PGCKA1: variants seen among roughly 807,000 people sequenced by gnomAD.
PGCKA1 encodes PDCD10 and GCKIII kinases-associated protein 1.
At chr4:37,473,656 A>G in the PGCKA1 span, among the ~76,000 whole-genome samples, 1 of 152,208 alleles carries the variant, frequency 6.6e-6, no homozygotes, top group African/African-American at 2.4e-5. Context: ...TGTAGGGGAC[A>G]CCCAGAAAAT....
chr4:37,551,609 C>A, the PGCKA1 span, among the ~76,000 whole-genome samples: 1 of 152,188 alleles, frequency 6.6e-6, no homozygotes, highest in African/African-American at 2.4e-5. Context: ...TAATTACTGT[C>A]TACACATAGA....
At chr4:37,469,690 G>A in the PGCKA1 span, among the ~76,000 whole-genome samples, 7 of 152,234 alleles carry the variant, frequency 4.6e-5, no homozygotes, top group East Asian at 1.9e-4. Context: ...TTCTCATTTC[G>A]TTCAGCTATG....
the PGCKA1 span, among the ~76,000 whole-genome samples, chr4:37,468,981 G>A: frequency 1.7e-4 from 26 of 152,180 alleles, no homozygotes; most frequent in Non-Finnish European, 1.0e-4. Context: ...TCATAACAAC[G>A]TTTGGGTCAT....
the PGCKA1 span, among the ~76,000 whole-genome samples, chr4:37,515,115 A>G: frequency 6.6e-6 from 1 of 152,196 alleles, no homozygotes; most frequent in African/African-American, 2.4e-5. Context: ...TGATTAGGTC[A>G]TGAGAGTAAA....
the PGCKA1 span, among the ~76,000 whole-genome samples, chr4:37,577,181 TG>T: frequency 1.3e-5 from 2 of 152,258 alleles, no homozygotes; most frequent in Non-Finnish European, 2.9e-5. Flanking sequence ...TTTAAATATT[TG>T]GTAGAATTCA....
the PGCKA1 span, among the ~76,000 whole-genome samples, chr4:37,580,208 C>T: frequency 6.6e-6 from 1 of 151,652 alleles, no homozygotes; most frequent in African/African-American, 2.4e-5. Context: ...TGAGTTTCCT[C>T]AATACAGCTA....
the PGCKA1 span, among the ~76,000 whole-genome samples, chr4:37,518,874 G>A: frequency 6.0e-4 from 92 of 152,234 alleles, no homozygotes; most frequent in African/African-American, 2.0e-3. Flanking sequence ...TTTCCCCAAC[G>A]TTTTCCTGTA....
At chr4:37,542,168 G>A in the PGCKA1 span, among the ~76,000 whole-genome samples, 3 of 152,124 alleles carry the variant, frequency 2.0e-5, no homozygotes, top group African/African-American at 4.8e-5. Flanking sequence ...ACATTCAGGT[G>A]CATCTGTCAT....
At chr4:37,466,675 C>A in the PGCKA1 span, among the ~76,000 whole-genome samples, 1 of 129,988 alleles carries the variant, frequency 7.7e-6, no homozygotes. Flanking sequence ...ATAAGATCAC[C>A]AGTACCTGGT....
the PGCKA1 span, among the ~76,000 whole-genome samples, chr4:37,474,228 C>T: frequency 6.6e-6 from 1 of 152,024 alleles, no homozygotes; most frequent in Non-Finnish European, 1.5e-5. Context: ...GAGTTCTGGC[C>T]CTCTTCCCTT....
At chr4:37,500,073 C>T in the PGCKA1 span, among the ~76,000 whole-genome samples, 1 of 151,980 alleles carries the variant, frequency 6.6e-6, no homozygotes, top group African/African-American at 2.4e-5. Context: ...TAGGCGCCCG[C>T]CACCATGCCC....
chr4:37,492,695 C>T, the PGCKA1 span, among the ~76,000 whole-genome samples: 1 of 152,206 alleles, frequency 6.6e-6, no homozygotes, highest in Non-Finnish European at 1.5e-5. The surrounding 1 kb of genome is among the most constrained non-coding windows in gnomAD (Gnocchi z 4.7). Flanking sequence ...GTTTGGCCCT[C>T]ACCAAAGGAT....
chr4:37,523,086 TTCA>T, the PGCKA1 span, among the ~76,000 whole-genome samples: 2 of 152,148 alleles, frequency 1.3e-5, no homozygotes, highest in Non-Finnish European at 2.9e-5. Context: ...TAGCCTGCCT[TTCA>T]AGTTTACTGG....
the PGCKA1 span, among the ~76,000 whole-genome samples, chr4:37,474,033 C>A: frequency 6.6e-6 from 1 of 152,136 alleles, no homozygotes; most frequent in African/African-American, 2.4e-5. Flanking sequence ...CTCTCTAGGG[C>A]AAAGACTGGC....
chr4:37,496,779 G>GT, the PGCKA1 span, among the ~76,000 whole-genome samples: 1 of 152,028 alleles, frequency 6.6e-6, no homozygotes, highest in Non-Finnish European at 1.5e-5. Context: ...TCTCTGAGCA[G>GT]TTTTTTATAG....
chr4:37,469,564 A>G, the PGCKA1 span, among the ~76,000 whole-genome samples: 1 of 152,148 alleles, frequency 6.6e-6, no homozygotes, highest in Non-Finnish European at 1.5e-5. Flanking sequence ...AGAAAATTCC[A>G]AGATGACAAG....
the PGCKA1 span, among the ~76,000 whole-genome samples, chr4:37,536,548 G>A: frequency 6.6e-6 from 1 of 152,102 alleles, no homozygotes; most frequent in Non-Finnish European, 1.5e-5. Context: ...CTCTTGGCGG[G>A]TCTGAAAAGG....
chr4:37,581,899 T>C, the PGCKA1 span, among the ~76,000 whole-genome samples: 1 of 152,200 alleles, frequency 6.6e-6, no homozygotes, highest in Non-Finnish European at 1.5e-5. The surrounding 1 kb of genome is among the most constrained non-coding windows in gnomAD (Gnocchi z 4.4). Flanking sequence ...TGGTGCGGCT[T>C]GCCAAAACTC....
chr4:37,462,489 C>T, the PGCKA1 span, among the ~76,000 whole-genome samples: 48,645 of 151,950 alleles, frequency 0.32, 7,946 homozygotes, highest in Middle Eastern at 0.37. Flanking sequence ...AAATTCAGAA[C>T]GATGCTTCAA....
Sources: gnomAD v4.1 joint callset for allele counts (sites outside exome capture counted in the v4.1 genomes callset) on GRCh38, gnomAD v4.1.1 for gene constraint, Gnocchi (gnomAD v3.1) non-coding constraint, MANE v1.5 for transcripts, NCBI Gene and HGNC (gene_info 2026-07-23, HGNC 2026-07-21) for gene names.